DDX54: variants seen among roughly 807,000 people sequenced by gnomAD.
The protein encoded by DDX54 is DEAD-box helicase 54, also known as ATP-dependent RNA helicase DDX54.
A neutral mutation model predicts 105.5 loss-of-function variants in DDX54; 67 were observed. That is an observed-to-expected ratio of 0.64 (90% CI 0.52 to 0.78). DDX54 has a LOEUF of 0.78. Ranked by LOEUF, DDX54 falls within the 30% of genes least tolerant of loss-of-function variation. The probability of loss-of-function intolerance (pLI) is 0.00; values close to 1 mark genes in which losing one functional copy is unlikely to be tolerated. For synonymous variants in DDX54, 514 were observed against 509.9 expected, an observed-to-expected ratio of 1.01 and a Z score of -0.11; for missense variants, 1,206 against 1,230.5, an observed-to-expected ratio of 0.98 and a Z score of 0.30.
chr12:113,164,215 T>C lies in DDX54; in HGVS notation c.1790A>G (p.Asp597Gly). 1 of 1,586,786 alleles carries C rather than the reference T, an allele frequency of 6.3e-7. No homozygotes were observed. The highest frequency in any genetic ancestry group is 1.1e-5 in the South Asian group (1 of 87,328). ...SQVMRAKRQKDRKAIARFQQG... is the reference protein window; with the variant it reads ...SQVMRAKRQKGRKAIARFQQG... Reference sequence around the variant, plus strand: ...CTGGAAGCGGGCGATGGCCTTGCGGTCCTTCTGCCGCTTGGCGCGCATCAC... The same window carrying C: ...CTGGAAGCGGGCGATGGCCTTGCGGCCCTTCTGCCGCTTGGCGCGCATCAC... The change falls in exon 15 of 20, where the codon GAC (aspartate) becomes GGC (glycine). Residue 597 changes from aspartate (D) to glycine (G), a missense_variant. Coordinates refer to ENST00000306014, the MANE Select transcript of DDX54 (RefSeq NM_024072.4).
Position 113,177,044 on chromosome 12 carries a change from AAACTCACATGTC to A in DDX54, c.652_656+7del. ...TCTCAGGGAGTCATCCCCAATCCAC[AAACTCACATGTC>A]GGGATTTTCGTGCAGGGCTGCAAAC... On this transcript the variant is annotated splice_donor_variant and splice_donor_5th_base_variant and coding_sequence_variant and intron_variant, in exon 6 of 20. Transcript: ENST00000306014. LOFTEE classifies it high-confidence loss of function. 6.2e-7 allele frequency: 1 copy of A among 1,614,138 alleles called. No homozygotes were observed. The highest frequency in any genetic ancestry group is 8.5e-7 in the Non-Finnish European group (1 of 1,180,024).
rs546057708 is a variant in DDX54 at position 113,164,136 on chromosome 12, C to A, written c.1869G>T (p.Pro623=). ...GCTTCTCCTGCAGTGCTGGGCGGCT[C>A]GGGGCTGGGCCCACTGGGCCCTCCT... The part of the protein sequence containing the change: ...EQQEGPVGPA[P]SRPALQEKQP... Residue 623 remains proline (P), a synonymous_variant, in exon 15 of 20, where the codon CCG becomes CCT. Coordinates refer to ENST00000306014, the MANE Select transcript of DDX54 (RefSeq NM_024072.4). The A allele has an allele frequency of 6.4e-7, 1 of 1,552,770 alleles. No individual in the cohort carries two copies. Among genetic ancestry groups the A allele is most frequent in the South Asian group, 1.2e-5 (1 of 84,326 alleles).
In DDX54 at chr12:113,177,033, C is replaced by T. The variant is rs2136324242; in HGVS notation, c.656+19G>A. On this transcript the variant is annotated intron_variant, in intron 6 of 19. Transcript: ENST00000306014. The stretch of plus-strand genomic sequence containing the variant: ...CTAGGAAGGGATCTCAGGGAGTCAT[C>T]CCCAATCCACAAACTCACATGTCGG... The T allele has an allele frequency of 6.2e-7, 1 of 1,614,022 alleles. No individual in the cohort carries two copies. The highest frequency in any genetic ancestry group is 8.5e-7 in the Non-Finnish European group (1 of 1,179,962).
At position 113,165,665 on chromosome 12, in the gene DDX54, T is replaced by G; in HGVS notation, c.1698A>C (p.Ile566=). 6.2e-7 allele frequency: 1 copy of G among 1,612,952 alleles called. No individual in the cohort carries two copies. The highest frequency in any genetic ancestry group is 2.2e-5 in the East Asian group (1 of 44,854). ...TCACCGCCCGGGAGCGGTAGTTCTT[T>G]ATGCTGTCCACCAGCCTCAGCCGCT... is the stretch of plus-strand genomic sequence containing the variant. ...ELQRLRLVDS[I]KNYRSRATIF... is the part of the protein sequence containing the mutation. The change falls in exon 14 of 20, where the codon ATA becomes ATC. Residue 566 remains isoleucine, a synonymous_variant. Transcript: ENST00000306014.
rs756233801 is a variant in DDX54 at position 113,163,083 on chromosome 12, G to A, written c.2082-38C>T. The A allele has an allele frequency of 1.2e-5, 20 of 1,609,042 alleles. No homozygotes were observed. The African/African-American group carries it at 2.4e-4, about 19-fold the overall frequency. On this transcript the variant is annotated intron_variant, in intron 16 of 19. Coordinates refer to ENST00000306014, the MANE Select transcript of DDX54 (RefSeq NM_024072.4). The surrounding 1 kb of genome is among the most constrained non-coding windows in gnomAD (Gnocchi z 5.9). Reference sequence around the variant, plus strand: ...AGTGGGAGACATAATTGGATTGATGGGACCCAGCGGACCCAACTGCCCCAC... The same window carrying A: ...AGTGGGAGACATAATTGGATTGATGAGACCCAGCGGACCCAACTGCCCCAC...
At chr12:113,184,801 G>A (rs991910576) in intron 1 of DDX54, among the ~76,000 whole-genome samples, 1 of 152,172 alleles carries the variant, frequency 6.6e-6, no homozygotes, top group African/African-American at 2.4e-5. Context: ...ACTCCGGCAT[G>A]AGCAACAGAG....
At position 113,176,953 on chromosome 12, in the gene DDX54, G is replaced by A. The variant is rs1464521601; in HGVS notation, c.657-18C>T. ...CAATAATTCTGGAAGAGGGTGCACA[G>A]GCCAGGTGACCCCAGGGCCAGGGCC... On this transcript the variant is annotated intron_variant, in intron 6 of 19. Transcript: ENST00000306014. The A allele has an allele frequency of 1.2e-6, 2 of 1,614,096 alleles. No homozygotes were observed. Among genetic ancestry groups the A allele is most frequent in the Non-Finnish European group, 1.7e-6 (2 of 1,179,952 alleles).
chr12:113,157,486 T>A lies in DDX54; in HGVS notation c.*1391A>T. ...GGGAACCACCATCATCACTGTTCTTTTAATGAGGGGATCTCCAGTCCCCGC... is the reference window on the plus strand; with the variant it reads ...GGGAACCACCATCATCACTGTTCTTATAATGAGGGGATCTCCAGTCCCCGC... On this transcript the variant is annotated 3_prime_UTR_variant, in exon 20 of 20. Coordinates refer to ENST00000306014, the MANE Select transcript of DDX54 (RefSeq NM_024072.4). The A allele has an allele frequency of 3.8e-6, 3 of 782,616 alleles. No homozygotes were observed. Among genetic ancestry groups the A allele is most frequent in the Non-Finnish European group, 6.3e-6 (3 of 473,482 alleles). 48.5% of individuals were successfully genotyped at this position (782,616 alleles called of 1,614,324 possible). A position where few individuals can be genotyped will look rare whatever the true frequency, so the allele number is the denominator to read the frequency against.
rs1487014127 is a variant in DDX54 at position 113,176,872 on chromosome 12, ACT to A, written c.718_719del (p.Ser240CysfsTer8). 6.2e-7 allele frequency: 1 copy of A among 1,613,818 alleles called. No homozygotes were observed. Among genetic ancestry groups the A allele is most frequent in the Non-Finnish European group, 8.5e-7 (1 of 1,179,982 alleles). On this transcript the variant is annotated frameshift_variant, in exon 7 of 20. Coordinates refer to ENST00000306014, the MANE Select transcript of DDX54 (RefSeq NM_024072.4). LOFTEE classifies it high-confidence loss of function. ...CTTCATCGAACACCACGTATTCCAC[ACT>A]CTGCAGCTTCAGGCTCATTTCCACA... ...VAVEMSLKLQ[S>X]VEYVVFDEAD...
intron 18 of DDX54, chr12:113,161,623 G>A: frequency 1.9e-6 from 1 of 520,736 alleles, no homozygotes; most frequent in Non-Finnish European, 3.4e-6. Context: ...CCCGCCCCCA[G>A]CACAGGCCCC....
intron 1 of DDX54, among the ~76,000 whole-genome samples, chr12:113,184,503 C>G (rs1030179129): frequency 2.6e-5 from 4 of 152,176 alleles, no homozygotes; most frequent in Non-Finnish European, 4.4e-5. Flanking sequence ...TCGTACAGCT[C>G]TTAGCATGGA....
At chr12:113,179,522 T>C (rs1422631995) in intron 3 of DDX54, among the ~76,000 whole-genome samples, 191 bp from the exon 4 acceptor site, 2 of 152,196 alleles carry the variant, frequency 1.3e-5, no homozygotes, top group Non-Finnish European at 2.9e-5. Flanking sequence ...GATGAGCGGC[T>C]CACTACCCCA....
chr12:113,177,022 C>T (rs1297829179), intron 6 of DDX54, 30 bp downstream of exon 6: 2 of 1,613,868 alleles, frequency 1.2e-6, no homozygotes, highest in African/African-American at 2.7e-5. Context: ...GAAGGGATCT[C>T]AGGGAGTCAT....
intron 5 of DDX54, among the ~76,000 whole-genome samples, chr12:113,177,847 C>A (rs1213873525): frequency 6.6e-6 from 1 of 152,218 alleles, no homozygotes; most frequent in African/African-American, 2.4e-5. Context: ...GTGGCACCTA[C>A]TACCTAGGAA....
At position 113,162,950 on chromosome 12, in the gene DDX54, C is replaced by A; in HGVS notation, c.2177G>T (p.Gly726Val). Residue 726 changes from glycine (G) to valine (V), a missense_variant, in exon 17 of 20, where the codon GGC (glycine) becomes GTC (valine). Around this residue, in one of 3 missense-constraint regions of DDX54, gnomAD observed 961 missense variants for 1,019.1 expected, o/e 0.94. Transcript: ENST00000306014. ...CACTCACCACTTGAGCTGCTGCCGG[C>A]CCCTCGTCAGGTTCTGGGCTTCATC... Reference protein sequence around the residue: ...MGDEAQNLTRGRQQLKWDRKK... With the variant: ...MGDEAQNLTRVRQQLKWDRKK... 6.2e-7 allele frequency: 1 copy of A among 1,603,114 alleles called. No individual in the cohort carries two copies. Among genetic ancestry groups the A allele is most frequent in the Non-Finnish European group, 8.5e-7 (1 of 1,177,746 alleles).
At chr12:113,166,458 C>G (rs914497014) in intron 12 of DDX54, among the ~76,000 whole-genome samples, 2 of 152,022 alleles carry the variant, frequency 1.3e-5, no homozygotes, top group African/African-American at 4.8e-5. Flanking sequence ...CTCAGAGTTC[C>G]GGGAGGCTGA....
Position 113,174,932 on chromosome 12 carries a change from G to A in DDX54, c.879C>T (p.Leu293=). 1 of 1,613,244 alleles carries A rather than the reference G, an allele frequency of 6.2e-7. No individual in the cohort carries two copies. Residue 293 remains leucine (L), a synonymous_variant, in exon 9 of 20, where the codon CTC becomes CTT. Transcript: ENST00000306014. ...CAAGCCGGATGAGCACGGGCTCCGT[G>A]AGGCCTGCAGGAGACATGGGGGAAA... ...KLLVEFARAG[L]TEPVLIRLDV...
intron 11 of DDX54, among the ~76,000 whole-genome samples, chr12:113,171,193 C>T (rs1952334037): frequency 6.6e-6 from 1 of 152,208 alleles, no homozygotes; most frequent in African/African-American, 2.4e-5. Context: ...GCACCCACCA[C>T]ATGACACTTA....
At chr12:113,161,469 T>C (rs1470372383) in intron 18 of DDX54, 87 bp from the exon 19 acceptor site, 1 of 1,079,910 alleles carries the variant, frequency 9.3e-7, no homozygotes, top group African/African-American at 1.6e-5. Flanking sequence ...CAGAGTTCCG[T>C]TATCCCAGCC....
Sources: allele counts gnomAD v4.1 joint callset (sites outside exome capture counted in the v4.1 genomes callset), GRCh38; gene constraint gnomAD v4.1.1; regional missense constraint gnomAD v4.1.1; non-coding constraint Gnocchi (gnomAD v3.1); transcripts MANE v1.5; gene names NCBI Gene and HGNC (gene_info 2026-07-23, HGNC 2026-07-21).